The following CORO2A variants were observed in gnomAD, a reference collection of about 807,000 sequenced individuals.
CORO2A encodes coronin 2A.
A neutral mutation model predicts 62.4 loss-of-function variants in CORO2A; 47 were observed. The observed-to-expected ratio is 0.75, with a 90% confidence interval of 0.60 to 0.96. CORO2A has a LOEUF of 0.96. Among genes scored for constraint, CORO2A ranks in the 40% least tolerant of loss-of-function variants. The probability of loss-of-function intolerance (pLI) is 0.00; values close to 1 mark genes in which losing one functional copy is unlikely to be tolerated. For missense variants in CORO2A, 610 were observed against 684.1 expected (o/e 0.89, Z 1.21); for synonymous variants, 273 against 268.9 (o/e 1.02, Z -0.15).
At chr9:98,133,306 A>C in intron 4 of CORO2A, 89 bp from the exon 5 acceptor site, 2 of 1,330,352 alleles carry the variant, frequency 1.5e-6, no homozygotes, top group Non-Finnish European at 2.1e-6. Flanking sequence ...AGTGAAACAC[A>C]GTATCCCTGG....
intron 1 of CORO2A, among the ~76,000 whole-genome samples, chr9:98,171,339 G>C (rs1002028041): frequency 6.6e-6 from 1 of 152,172 alleles, no homozygotes; most frequent in Non-Finnish European, 1.5e-5. Context: ...TCTCAGCGTG[G>C]ACCCACAAAT....
intron 2 of CORO2A, 146 bp from the exon 3 acceptor site, chr9:98,137,834 G>T: frequency 1.5e-6 from 1 of 661,822 alleles, no homozygotes. Context: ...CTTATTCCCT[G>T]TGGGATCCTG....
chr9:98,154,137 T>C (rs1160369842), intron 2 of CORO2A, among the ~76,000 whole-genome samples: 1 of 150,284 alleles, frequency 6.7e-6, no homozygotes, highest in African/African-American at 2.5e-5. Context: ...AATATTTTTT[T>C]CTTTCTTATT....
chr9:98,178,403 T>A (rs1160782853), intron 1 of CORO2A, among the ~76,000 whole-genome samples: 1 of 152,194 alleles, frequency 6.6e-6, no homozygotes, highest in East Asian at 1.9e-4. Flanking sequence ...TGCTAACAAG[T>A]CACAATTTTT....
chr9:98,187,802 C>T (rs1016680825), intron 1 of CORO2A, among the ~76,000 whole-genome samples: 7 of 152,158 alleles, frequency 4.6e-5, no homozygotes, highest in Admixed American at 3.3e-4. Flanking sequence ...ATAGCAATCT[C>T]GCAGGAATCA....
Position 98,129,818 on chromosome 9 carries a change from A to G in CORO2A, c.943T>C (p.Ser315Pro). Residue 315 changes from serine (S) to proline (P), a missense_variant, in exon 8 of 12, where the codon TCC becomes CCC. Ser to Pro is a moderately conservative substitution (Grantham distance 74). Coordinates refer to ENST00000375077, the MANE Select transcript of CORO2A (RefSeq NM_052820.4). ...CCGATCCCCTTCTGTGGGTTATAGG[A>G]GCGGTACTCAGTCAGGTAGCTCAGG... ...PHLSYLTEYR[S>P]YNPQKGIGVM... 6.2e-7 allele frequency: 1 copy of G among 1,613,884 alleles called. No homozygotes were observed.
intron 9 of CORO2A, 49 bp downstream of exon 9, chr9:98,128,558 C>G (rs745456459): frequency 6.5e-7 from 1 of 1,542,910 alleles, no homozygotes; most frequent in South Asian, 1.1e-5. Context: ...TCTGTCTTCT[C>G]CAGGACAGGT....
At chr9:98,128,060 A>C (rs1430300582) in intron 10 of CORO2A, 110 bp downstream of exon 10, 10 of 803,148 alleles carry the variant, frequency 1.2e-5, no homozygotes, top group Non-Finnish European at 1.9e-5. Flanking sequence ...ATGGCTTCTG[A>C]GGTCATGAGA....
At chr9:98,131,160 G>C (rs990735192) in intron 6 of CORO2A, 101 bp from the exon 7 acceptor site, 10 of 735,416 alleles carry the variant, frequency 1.4e-5, no homozygotes, top group Non-Finnish European at 2.3e-5. Context: ...CTGGGCGAGA[G>C]TGTGTGTGTC....
intron 1 of CORO2A, among the ~76,000 whole-genome samples, chr9:98,185,054 G>A (rs1010371351): frequency 2.0e-5 from 3 of 152,208 alleles, no homozygotes; most frequent in Non-Finnish European, 4.4e-5. Context: ...GAAGTGGAGT[G>A]ACTGACCCAA....
At chr9:98,157,745 A>T in intron 1 of CORO2A, 85 bp from the exon 2 acceptor site, 1 of 1,299,204 alleles carries the variant, frequency 7.7e-7, no homozygotes, top group Non-Finnish European at 1.1e-6. Context: ...AGAGTACATA[A>T]GAGGGTACGA....
At chr9:98,151,301 G>C (rs907717842) in intron 2 of CORO2A, among the ~76,000 whole-genome samples, 1 of 152,204 alleles carries the variant, frequency 6.6e-6, no homozygotes, top group Admixed American at 6.5e-5. Context: ...GGGAATTTGA[G>C]GGAGGAAGTA....
rs780182594 is a variant in CORO2A, at chr9:98,128,175, T to A, written c.1166A>T (p.Asn389Ile). 2 of 1,612,694 alleles carry A rather than the reference T, an allele frequency of 1.2e-6. No individual in the cohort carries two copies. Among genetic ancestry groups the A allele is most frequent in the Non-Finnish European group, 1.7e-6 (2 of 1,179,136 alleles). ...CTCTTCTCTGCCTTCCTCACCTCGA[T>A]TCATCCCGCTGAGCCACTCCTGGGC... ...LTAQEWLSGM[N>I]RDPILVSLRP... Residue 389 changes from asparagine to isoleucine, a missense_variant, in exon 10 of 12, where the codon AAT (asparagine) becomes ATT (isoleucine). Asn to Ile is a moderately radical substitution (Grantham distance 149). Transcript: ENST00000375077.
chr9:98,175,779 T>C (rs1332250618), intron 1 of CORO2A, among the ~76,000 whole-genome samples: 2 of 152,230 alleles, frequency 1.3e-5, no homozygotes, highest in African/African-American at 2.4e-5. Context: ...GCCAGTTATC[T>C]ACCTCTCTTG....
intron 1 of CORO2A, among the ~76,000 whole-genome samples, chr9:98,165,107 C>A (rs191016127): frequency 2.0e-5 from 3 of 146,400 alleles, no homozygotes; most frequent in African/African-American, 7.3e-5. Context: ...TAGCTAAGAA[C>A]AAGCATGTAC....
At chr9:98,182,098 T>C (rs185251710) in intron 1 of CORO2A, among the ~76,000 whole-genome samples, 47 of 152,262 alleles carry the variant, frequency 3.1e-4, no homozygotes, top group Admixed American at 3.1e-3. Flanking sequence ...CCAGATTCTG[T>C]GGGACTCTAC....
intron 2 of CORO2A, among the ~76,000 whole-genome samples, chr9:98,151,855 C>T (rs1257245577): frequency 4.1e-5 from 6 of 146,496 alleles, no homozygotes; most frequent in African/African-American, 1.5e-4. Flanking sequence ...TTCGCTCTGT[C>T]GCCCAGGCTG....
chr9:98,124,874 T>C lies in CORO2A; in HGVS notation c.1478A>G (p.Glu493Gly). 1 of 1,580,668 alleles carries C rather than the reference T, an allele frequency of 6.3e-7. No individual in the cohort carries two copies. The highest frequency in any genetic ancestry group is 8.6e-7 in the Non-Finnish European group (1 of 1,160,988). The change falls in exon 12 of 12, where the codon GAG becomes GGG. Residue 493 changes from glutamate (E) to glycine (G), a missense_variant. Glu to Gly is a moderately conservative substitution (Grantham distance 98). Coordinates refer to ENST00000375077, the MANE Select transcript of CORO2A (RefSeq NM_052820.4). ...CAACAGCTCCCGGAGCCTTCGGATC[T>C]CCTCCTGTTGCCGGTAGAACATCTG... The part of the protein sequence containing the change: ...LLQMFYRQQE[E>G]IRRLRELLTQ...
At chr9:98,163,478 T>C (rs921631318) in intron 1 of CORO2A, among the ~76,000 whole-genome samples, 11 of 152,160 alleles carry the variant, frequency 7.2e-5, no homozygotes, top group Non-Finnish European at 1.2e-4. Flanking sequence ...GCGTAAGCCA[T>C]TGTGCCCGGC....
Sources: gnomAD v4.1 joint callset for allele counts (sites outside exome capture counted in the v4.1 genomes callset) on GRCh38, gnomAD v4.1.1 for gene constraint, MANE v1.5 for transcripts, NCBI Gene and HGNC (gene_info 2026-07-23, HGNC 2026-07-21) for gene names.